Variants in PCDHGA3 observed in about 807,000 individuals in gnomAD.
PCDHGA3 encodes protocadherin gamma subfamily A, 3.
Under a neutral mutation model 58.5 loss-of-function variants are expected in PCDHGA3, and 40 were observed. The observed-to-expected ratio is 0.68, with a 90% CI of 0.53 to 0.89. PCDHGA3 has a LOEUF of 0.89. Ranked by LOEUF, PCDHGA3 falls within the 40% of genes least tolerant of loss-of-function variation. The pLI is 0.00. For synonymous variants in PCDHGA3, 530 were observed against 525.7 expected, an observed-to-expected ratio of 1.01 and a Z score of -0.11; for missense variants, 1,223 against 1,195.9, an observed-to-expected ratio of 1.02 and a Z score of -0.33.
At chr5:141,368,517 C>T (rs2149927264) in intron 1 of PCDHGA3, among the ~76,000 whole-genome samples, 1 of 152,138 alleles carries the variant, frequency 6.6e-6, no homozygotes, top group East Asian at 1.9e-4. Flanking sequence ...ATTATTCACT[C>T]CTATGTGAAA....
At chr5:141,408,271 T>C (rs948446189) in intron 1 of PCDHGA3, 7 of 1,610,858 alleles carry the variant, frequency 4.3e-6, no homozygotes, top group Non-Finnish European at 5.9e-6. Context: ...TGCTGCTGCC[T>C]TTGTTCTACC....
chr5:141,389,490 G>T, intron 1 of PCDHGA3: 1 of 1,613,044 alleles, frequency 6.2e-7, no homozygotes, highest in South Asian at 1.1e-5. Flanking sequence ...CCGCGACCAG[G>T]GCTCGCCAGC....
Position 141,511,231 on chromosome 5 carries a change from C to T in PCDHGA3, c.*58C>T. On this transcript the variant is annotated 3_prime_UTR_variant, in exon 4 of 4. Coordinates refer to ENST00000253812, the MANE Select transcript of PCDHGA3 (RefSeq NM_018916.4). ...CTCTCCCCAACCAGCCCAGCTTCTC[C>T]TTACCTGCACCCAGGCCTCAGAGTT... 2 of 1,595,900 alleles carry T rather than the reference C, an allele frequency of 1.3e-6. No individual in the cohort carries two copies. The highest frequency in any genetic ancestry group is 2.2e-5 in the South Asian group (2 of 88,992).
intron 1 of PCDHGA3, among the ~76,000 whole-genome samples, chr5:141,425,068 A>G (rs1484760901): frequency 6.6e-6 from 1 of 152,174 alleles, no homozygotes; most frequent in African/African-American, 2.4e-5. Context: ...GGACAAAAAT[A>G]ATTTCAACTG....
chr5:141,486,714 C>G lies in PCDHGA3; in HGVS notation c.2425-8093C>G. On this transcript the variant is annotated intron_variant, in intron 1 of 3. Transcript: ENST00000253812. This position sits in a 1 kb window ranked among gnomAD's most constrained non-coding sequence, Gnocchi z 5.0. ...TCTTTCATCTCTCTGAACCCCCAGA[C>G]AGGAGCTGTTCATGCTACTCGATCC... 1.2e-6 allele frequency: 2 copies of G among 1,614,216 alleles called. No individual in the cohort carries two copies. Among genetic ancestry groups the G allele is most frequent in the African/African-American group, 1.3e-5 (1 of 75,062 alleles).
At position 141,491,039 on chromosome 5, in the gene PCDHGA3, G is replaced by T; in HGVS notation, c.2425-3768G>T. 1 of 1,614,180 alleles carries T rather than the reference G, an allele frequency of 6.2e-7. No individual in the cohort carries two copies. The highest frequency in any genetic ancestry group is 1.1e-5 in the South Asian group (1 of 91,090). ...GTGACAGCCGTGGATGCTGATGCAGGCCACAATGCGTGGCTCTCCTACTCA... is the reference window on the plus strand; with the variant it reads ...GTGACAGCCGTGGATGCTGATGCAGTCCACAATGCGTGGCTCTCCTACTCA... On this transcript the variant is annotated intron_variant, in intron 1 of 3. Transcript: ENST00000253812. The surrounding 1 kb of genome is among the most constrained non-coding windows in gnomAD (Gnocchi z 6.9).
chr5:141,404,109 TCCAGGAGAATCTATCTTTTA>T, intron 1 of PCDHGA3: 1 of 1,613,518 alleles, frequency 6.2e-7, no homozygotes, highest in East Asian at 2.2e-5. Flanking sequence ...GTCTGTTCTA[TCCAGGAGAATCTATCTTTTA>T]CATTAGAAAA....
intron 1 of PCDHGA3, chr5:141,395,547 TGTGTG>T (rs2093267739): frequency 0.011 from 1,902 of 174,314 alleles, 94 homozygotes; most frequent in African/African-American, 0.026. Flanking sequence ...ATTGTTTGTG[TGTGTG>T]TGTGTGTGTG....
chr5:141,462,477 G>A (rs1430561580), intron 1 of PCDHGA3, among the ~76,000 whole-genome samples: 1 of 151,828 alleles, frequency 6.6e-6, no homozygotes, highest in East Asian at 1.9e-4. Flanking sequence ...TCTGCTTCTC[G>A]TGGTTGTTGT....
At chr5:141,392,721 G>A (rs1169584002) in intron 1 of PCDHGA3, 25 of 1,390,348 alleles carry the variant, frequency 1.8e-5, no homozygotes, top group South Asian at 3.2e-5. Context: ...CAGGTTTCCG[G>A]AGGATTGTCA....
At position 141,422,424 on chromosome 5, in the gene PCDHGA3, T is replaced by C. The variant is rs1182660567; in HGVS notation, c.2425-72383T>C. The C allele has an allele frequency of 2.5e-6, 4 of 1,608,076 alleles. No homozygotes were observed. The East Asian group carries it at 6.7e-5, about 27-fold the overall frequency. On this transcript the variant is annotated intron_variant, in intron 1 of 3. Transcript: ENST00000253812. ...TGCCTTTTAAATTAGAAAAGACTTA[T>C]GGAAATTATTACAAATTGATAACAA...
intron 1 of PCDHGA3, chr5:141,371,564 C>A (rs1767846992): frequency 6.2e-7 from 1 of 1,613,816 alleles, no homozygotes; most frequent in Admixed American, 1.7e-5. Flanking sequence ...AAGGAAACTT[C>A]CCCTTTAAAA....
At chr5:141,417,052 CTT>C (rs1308339867) in intron 1 of PCDHGA3, 2 of 151,464 alleles carry the variant, frequency 1.3e-5, no homozygotes, top group African/African-American at 4.9e-5. Context: ...AAAAACTGCT[CTT>C]GACATTGTAG....
chr5:141,352,839 T>G (rs932260905), intron 1 of PCDHGA3: 1 of 717,666 alleles, frequency 1.4e-6, no homozygotes, highest in African/African-American at 1.8e-5. Context: ...ATTACAAAAA[T>G]TAGTTGGGTG....
chr5:141,507,736 G>A (rs1562231670), intron 3 of PCDHGA3, among the ~76,000 whole-genome samples: 1 of 152,240 alleles, frequency 6.6e-6, no homozygotes. Flanking sequence ...CATGCAGCTC[G>A]TTCCCCTGTC....
At chr5:141,429,361 A>G (rs2097205912) in intron 1 of PCDHGA3, among the ~76,000 whole-genome samples, 1 of 150,698 alleles carries the variant, frequency 6.6e-6, no homozygotes, top group East Asian at 1.9e-4. Context: ...AATGCATGAG[A>G]AAATGGAGAA....
chr5:141,496,215 T>C (rs2099767024), intron 2 of PCDHGA3, among the ~76,000 whole-genome samples: 3 of 152,114 alleles, frequency 2.0e-5, no homozygotes, highest in Non-Finnish European at 4.4e-5. Context: ...TATGAATTCC[T>C]GCTGAGACAG....
rs907427230 is a variant in PCDHGA3, at chr5:141,489,936, G to A, written c.2425-4871G>A. 4 of 1,614,096 alleles carry A rather than the reference G, an allele frequency of 2.5e-6. No homozygotes were observed. In the African/African-American group the frequency reaches 5.3e-5, roughly 22 times the overall value. ...GGACCACCCTTATCTCTGTCATCGT[G>A]CTGGACATCAATGATAATGCTCCAA... is the stretch of plus-strand genomic sequence containing the variant. On this transcript the variant is annotated intron_variant, in intron 1 of 3. Coordinates refer to ENST00000253812, the MANE Select transcript of PCDHGA3 (RefSeq NM_018916.4). This position sits in a 1 kb window ranked among gnomAD's most constrained non-coding sequence, Gnocchi z 4.5.
At chr5:141,446,830 A>G (rs1289946397) in intron 1 of PCDHGA3, among the ~76,000 whole-genome samples, 1 of 152,176 alleles carries the variant, frequency 6.6e-6, no homozygotes, top group Non-Finnish European at 1.5e-5. Flanking sequence ...GTAGATCCTT[A>G]TAAGGCTGAG....
Sources: gnomAD v4.1 joint callset for allele counts (sites outside exome capture counted in the v4.1 genomes callset) on GRCh38, gnomAD v4.1.1 for gene constraint, Gnocchi (gnomAD v3.1) non-coding constraint, MANE v1.5 for transcripts, NCBI Gene and HGNC (gene_info 2026-07-23, HGNC 2026-07-21) for gene names.